The following PKIB variants were observed in gnomAD, a reference collection of about 807,000 sequenced individuals.
PKIB encodes the protein PKI-beta.
In PKIB, 2 loss-of-function variants were observed where a neutral mutation model predicts 4.5. The ratio of observed to expected loss-of-function variants is 0.44; its 90% CI spans 0.18 to 1.39. The LOEUF is 1.39. PKIB is among the 40% of genes most tolerant of loss of function. The pLI, the probability that PKIB is intolerant of heterozygous loss-of-function variation, is 0.27. For synonymous variants in PKIB, 38 were observed against 36.0 expected (o/e 1.06, Z -0.20); for missense variants, 94 against 92.6 (o/e 1.02, Z -0.06).
chr6:122,481,757 T>C (rs1485986334), intron 2 of PKIB: 3 of 152,068 alleles, frequency 2.0e-5, no homozygotes, highest in Admixed American at 6.5e-5. Context: ...AGGTGAAAGA[T>C]ATATAGTAAA....
In PKIB at chr6:122,474,562, G is replaced by T. The variant is rs115927700; in HGVS notation, c.-337+2521G>T. 2.6e-3 allele frequency among the ~76,000 whole-genome samples: 399 copies of T among 152,286 alleles called. 4 individuals carry two copies. The highest frequency in any genetic ancestry group is 9.1e-3 in the African/African-American group (377 of 41,562). On this transcript the variant is annotated intron_variant, in intron 1 of 6. Transcript: ENST00000392491. ...CATATGTGGCATCAGAGAGCTGAAGGTTATGTTTGTTGTCAAGAATCAGAG... is the reference window on the plus strand; with the variant it reads ...CATATGTGGCATCAGAGAGCTGAAGTTTATGTTTGTTGTCAAGAATCAGAG...
At chr6:122,608,656 C>T (rs534653118), upstream of PKIB, among the ~76,000 whole-genome samples, 3 of 152,166 alleles carry the variant, frequency 2.0e-5, no homozygotes, top group Non-Finnish European at 2.9e-5. Context: ...CTGTAGAGTA[C>T]CTACTTTGTG....
intron 2 of PKIB, among the ~76,000 whole-genome samples, chr6:122,486,211 T>G (rs1395594580): frequency 6.6e-6 from 1 of 152,204 alleles, no homozygotes; most frequent in East Asian, 1.9e-4. Flanking sequence ...CTGCAGAAAT[T>G]GAAAAAGTCT....
At chr6:122,537,084 C>T (rs1169187602) in intron 2 of PKIB, among the ~76,000 whole-genome samples, 1 of 151,890 alleles carries the variant, frequency 6.6e-6, no homozygotes, top group East Asian at 1.9e-4. Context: ...TATACTGGTG[C>T]TGCCTTTTCC....
intron 1 of PKIB, among the ~76,000 whole-genome samples, chr6:122,630,998 A>G (rs2815583): frequency 0.39 from 58,532 of 152,030 alleles, 12,444 homozygotes; most frequent in South Asian, 0.64. Flanking sequence ...TGTCGTTTTT[A>G]TGTCTAAAAT....
intron 2 of PKIB, among the ~76,000 whole-genome samples, chr6:122,487,297 T>G (rs1194746149): frequency 6.6e-6 from 1 of 152,238 alleles, no homozygotes. Context: ...GTTATTTTTT[T>G]GAAGAATGAA....
intron 2 of PKIB, among the ~76,000 whole-genome samples, chr6:122,553,897 G>C (rs1025239230): frequency 6.6e-6 from 1 of 152,170 alleles, no homozygotes; most frequent in Admixed American, 6.5e-5. Flanking sequence ...CAAAGCAGCT[G>C]TCAGGCCAGC....
intron 2 of PKIB, among the ~76,000 whole-genome samples, chr6:122,525,162 G>C (rs1250776268): frequency 6.6e-6 from 1 of 151,600 alleles, no homozygotes; most frequent in African/African-American, 2.4e-5. Flanking sequence ...ATTTTCCTCT[G>C]TTACAAGGTA....
intron 2 of PKIB, among the ~76,000 whole-genome samples, chr6:122,520,757 G>T (rs557135933): frequency 7.1e-6 from 1 of 141,526 alleles, no homozygotes; most frequent in African/African-American, 2.6e-5. Flanking sequence ...GCTCAAACAC[G>T]TCTTTGTTAA....
At chr6:122,631,042 T>G (rs936578143) in intron 1 of PKIB, among the ~76,000 whole-genome samples, 3 of 152,194 alleles carry the variant, frequency 2.0e-5, no homozygotes, top group Admixed American at 2.0e-4. Context: ...ACAGTGCTAA[T>G]TATATATTAA....
upstream of PKIB, among the ~76,000 whole-genome samples, chr6:122,607,105 T>TA (rs1271969917): frequency 1.1e-4 from 16 of 149,402 alleles, no homozygotes; most frequent in Admixed American, 6.7e-4. Context: ...AATAAATAAA[T>TA]AAATAAAATA....
chr6:122,508,178 A>G (rs1776473495), intron 2 of PKIB, among the ~76,000 whole-genome samples: 2 of 152,344 alleles, frequency 1.3e-5, no homozygotes, highest in South Asian at 4.1e-4. Context: ...TGATAGTAAA[A>G]CAGGAAAGTA....
At chr6:122,552,386 T>C (rs557524932) in intron 2 of PKIB, among the ~76,000 whole-genome samples, 3 of 151,992 alleles carry the variant, frequency 2.0e-5, no homozygotes, top group Non-Finnish European at 4.4e-5. Flanking sequence ...TTGTTTTGTT[T>C]TGAGACAGTG....
intron 2 of PKIB, among the ~76,000 whole-genome samples, chr6:122,540,360 C>T (rs920703033): frequency 6.6e-6 from 1 of 151,814 alleles, no homozygotes; most frequent in Non-Finnish European, 1.5e-5. Context: ...GAATGTGTCC[C>T]AGAGATTCTG....
chr6:122,581,958 G>C (rs1773716512), intron 2 of PKIB: 1 of 151,980 alleles, frequency 6.6e-6, no homozygotes. Context: ...GTGTAGGTGT[G>C]GGATATGACA....
At position 122,667,400 on chromosome 6, in the gene PKIB, G is replaced by T. The variant is rs183322224; in HGVS notation, c.-75-7678G>T. On this transcript the variant is annotated intron_variant, in intron 2 of 4. Transcript: ENST00000368452. ...AAAATACAAAAAATTAGCTGGGCGT[G>T]GTGGCGGGCGCCTGTAGTCCCAGCT... 1.2e-3 allele frequency among the ~76,000 whole-genome samples: 185 copies of T among 152,230 alleles called. 3 individuals carry two copies. In the East Asian group the frequency reaches 0.02, roughly 17 times the overall value.
chr6:122,503,787 C>A (rs1161040253), intron 2 of PKIB, among the ~76,000 whole-genome samples: 1 of 152,184 alleles, frequency 6.6e-6, no homozygotes, highest in Non-Finnish European at 1.5e-5. Context: ...CCTCACCCCC[C>A]AGGCTAGGGT....
intron 3 of PKIB, among the ~76,000 whole-genome samples, chr6:122,685,716 T>A (rs1778066405): frequency 6.6e-6 from 1 of 152,158 alleles, no homozygotes; most frequent in Non-Finnish European, 1.5e-5. Flanking sequence ...ACTATAGTCA[T>A]CCTGTTGTGC....
At chr6:122,713,351 G>A (rs1270870385) in intron 3 of PKIB, among the ~76,000 whole-genome samples, 1 of 152,144 alleles carries the variant, frequency 6.6e-6, no homozygotes. Flanking sequence ...TGAGTCAGCT[G>A]CCTTGGTTGG....
Sources: gnomAD v4.1 joint callset for allele counts (sites outside exome capture counted in the v4.1 genomes callset) on GRCh38, gnomAD v4.1.1 for gene constraint, MANE v1.5 for transcripts, NCBI Gene and HGNC (gene_info 2026-07-23, HGNC 2026-07-21) for gene names.